The following QSOX1 variants were observed in gnomAD, a reference collection of about 807,000 sequenced individuals.
The protein encoded by QSOX1 is sulfhydryl oxidase 1.
A neutral mutation model predicts 76.1 loss-of-function variants in QSOX1; 40 were observed. The ratio of observed to expected loss-of-function variants is 0.53; its 90% CI spans 0.41 to 0.68. The LOEUF is 0.68. Ranked by LOEUF, QSOX1 falls within the 30% of genes least tolerant of loss-of-function variation. The pLI is 0.00. For synonymous variants in QSOX1, 392 were observed against 413.1 expected, an observed-to-expected ratio of 0.95 and a Z score of 0.62; for missense variants, 931 against 974.3, an observed-to-expected ratio of 0.96 and a Z score of 0.59.
intron 1 of QSOX1, 74 bp downstream of exon 1, chr1:180,155,246 C>T: frequency 7.6e-7 from 1 of 1,318,412 alleles, no homozygotes; most frequent in Non-Finnish European, 9.8e-7. Flanking sequence ...GGGCAGCCTC[C>T]TACTCCGGGA....
chr1:180,198,305 A>G lies in QSOX1; in HGVS notation c.*1268A>G, dbSNP rs3843273. Reference sequence around the variant, plus strand: ...TCAGTGCCCTGGGCTGGTGAGGGAGAAGCCTGTCTGCACCTGCCTAATTCC... The same window carrying G: ...TCAGTGCCCTGGGCTGGTGAGGGAGGAGCCTGTCTGCACCTGCCTAATTCC... On this transcript the variant is annotated 3_prime_UTR_variant, in exon 12 of 12. Transcript: ENST00000367602. 67,636 of 456,288 alleles carry G rather than the reference A, an allele frequency of 0.15. 7,873 individuals are homozygous for G. The highest frequency in any genetic ancestry group is 0.44 in the African/African-American group (22,116 of 50,050). 28.3% of individuals were successfully genotyped at this position (456,288 alleles called of 1,614,324 possible).
intron 1 of QSOX1, among the ~76,000 whole-genome samples, chr1:180,162,367 C>T (rs891689180): frequency 6.6e-6 from 1 of 152,186 alleles, no homozygotes; most frequent in Admixed American, 6.5e-5. Flanking sequence ...TCCAAAGTTA[C>T]TTCAAGTTCA....
At chr1:180,182,753 G>T (rs1382959889) in intron 6 of QSOX1, among the ~76,000 whole-genome samples, 1 of 152,202 alleles carries the variant, frequency 6.6e-6, no homozygotes, top group Non-Finnish European at 1.5e-5. Flanking sequence ...CCAAAATGCC[G>T]AGAGAAAACA....
intron 4 of QSOX1, among the ~76,000 whole-genome samples, chr1:180,177,317 G>A (rs970293829): frequency 8.8e-5 from 13 of 148,452 alleles, no homozygotes; most frequent in African/African-American, 2.5e-4. Context: ...GCAGCGGCAC[G>A]ATCTTGGCTC....
rs1663563894 is a variant in QSOX1 at position 180,198,575 on chromosome 1, G to C, written c.*1538G>C. 1.4e-5 allele frequency: 5 copies of C among 361,960 alleles called. 1 individual carries two copies. Among genetic ancestry groups the C allele is most frequent in the South Asian group, 8.1e-5 (4 of 49,512 alleles). The allele number at this position is 361,960 out of a possible 1,614,324, so 22.4% of individuals were successfully genotyped here. ...CTATGTGGAGCAGGTGGGATGCCAA[G>C]GCCACTCCTGCTATGGGGCAGCTGG... On this transcript the variant is annotated 3_prime_UTR_variant, in exon 12 of 12. Coordinates refer to ENST00000367602, the MANE Select transcript of QSOX1 (RefSeq NM_002826.5).
intron 10 of QSOX1, among the ~76,000 whole-genome samples, chr1:180,190,938 GA>G (rs887776892): frequency 3.3e-5 from 5 of 152,008 alleles, no homozygotes; most frequent in Non-Finnish European, 5.9e-5. Flanking sequence ...TCTTAACAAA[GA>G]AAAAAACGTG....
chr1:180,157,175 T>G (rs1240679809), intron 1 of QSOX1, among the ~76,000 whole-genome samples: 1 of 152,154 alleles, frequency 6.6e-6, no homozygotes. Flanking sequence ...TCAAAGTCTG[T>G]GGGGGTGAGC....
chr1:180,155,024 C>T lies in QSOX1; in HGVS notation c.117C>T (p.Ser39=). Residue 39 remains serine (S), a synonymous_variant, in exon 1 of 12, where the codon TCC becomes TCT. Transcript: ENST00000367602. The part of the protein sequence containing the change: ...AAPRSALYSP[S]DPLTLLQADT... ...CGCGGTCGGCGCTCTATTCGCCTTC[C>T]GACCCGCTGACGCTGCTGCAGGCGG... 6.6e-7 allele frequency: 1 copy of T among 1,513,888 alleles called. No homozygotes were observed. Among genetic ancestry groups the T allele is most frequent in the African/African-American group, 1.4e-5 (1 of 69,808 alleles). 93.8% of individuals were successfully genotyped at this position (1,513,888 alleles called of 1,614,324 possible). A position where few individuals can be genotyped will look rare whatever the true frequency, so the allele number is the denominator to read the frequency against.
At chr1:180,187,114 G>A (rs1390266125) in intron 8 of QSOX1, among the ~76,000 whole-genome samples, 2 of 152,126 alleles carry the variant, frequency 1.3e-5, no homozygotes, top group African/African-American at 4.8e-5. Context: ...GGTGATTTGT[G>A]CCTCTCCTTG....
At chr1:180,188,707 C>T (rs927305699) in intron 8 of QSOX1, among the ~76,000 whole-genome samples, 3 of 152,208 alleles carry the variant, frequency 2.0e-5, no homozygotes, top group Non-Finnish European at 4.4e-5. Flanking sequence ...ATTCGTGTCT[C>T]CAGTATCCTT....
intron 1 of QSOX1, among the ~76,000 whole-genome samples, chr1:180,162,140 T>G (rs922720087): frequency 1.3e-5 from 2 of 152,244 alleles, no homozygotes; most frequent in Admixed American, 6.5e-5. Flanking sequence ...AAATTAAGGC[T>G]GATAATGTAT....
Position 180,154,870 on chromosome 1 carries a change from T to C in QSOX1, c.-38T>C, listed in dbSNP as rs968532109. 3.0e-6 allele frequency: 4 copies of C among 1,353,006 alleles called. No homozygotes were observed. Among genetic ancestry groups the C allele is most frequent in the African/African-American group, 3.1e-5 (2 of 65,048 alleles). 83.8% of individuals were successfully genotyped at this position (1,353,006 alleles called of 1,614,324 possible). A position where few individuals can be genotyped will look rare whatever the true frequency, so the allele number is the denominator to read the frequency against. ...TGCCGCGGCGCCGGGACCCGACTCATCCGGTGCTTGCGTGTGGTGGTGAGC... is the reference window on the plus strand; with the variant it reads ...TGCCGCGGCGCCGGGACCCGACTCACCCGGTGCTTGCGTGTGGTGGTGAGC... On this transcript the variant is annotated 5_prime_UTR_variant, in exon 1 of 12. Coordinates refer to ENST00000367602, the MANE Select transcript of QSOX1 (RefSeq NM_002826.5).
intron 1 of QSOX1, among the ~76,000 whole-genome samples, chr1:180,155,414 C>T (rs1481829946): frequency 6.6e-6 from 1 of 152,184 alleles, no homozygotes; most frequent in African/African-American, 2.4e-5. Context: ...CGGCCTGGGC[C>T]CCCAGACCTG....
At position 180,199,059 on chromosome 1, in the gene QSOX1, A is replaced by T. The variant is rs1663574925; in HGVS notation, c.*2022A>T. 1.3e-5 allele frequency: 2 copies of T among 153,214 alleles called. No homozygotes were observed. The highest frequency in any genetic ancestry group is 1.5e-5 in the Non-Finnish European group (1 of 68,824). The allele number at this position is 153,214 out of a possible 1,614,324, so 9.5% of individuals were successfully genotyped here. On this transcript the variant is annotated 3_prime_UTR_variant, in exon 12 of 12. Transcript: ENST00000367602. Reference sequence around the variant, plus strand: ...CAGCAGCCCGGGCTGCACAGTGTGTAGCCCAGCCTCCAGGTCCACGGAGTG... The same window carrying T: ...CAGCAGCCCGGGCTGCACAGTGTGTTGCCCAGCCTCCAGGTCCACGGAGTG...
intron 8 of QSOX1, among the ~76,000 whole-genome samples, chr1:180,187,009 G>T (rs1663192120): frequency 6.6e-6 from 1 of 152,234 alleles, no homozygotes; most frequent in Admixed American, 6.5e-5. Flanking sequence ...GGGCGCTTCG[G>T]GTTTGGCCGC....
At chr1:180,177,311 C>G (rs1272799258) in intron 4 of QSOX1, among the ~76,000 whole-genome samples, 1 of 148,354 alleles carries the variant, frequency 6.7e-6, no homozygotes, top group African/African-American at 2.5e-5. Context: ...GGGAGTGCAG[C>G]GGCACGATCT....
intron 4 of QSOX1, among the ~76,000 whole-genome samples, chr1:180,177,044 GT>G (rs1480768272): frequency 6.6e-6 from 1 of 152,162 alleles, no homozygotes; most frequent in Non-Finnish European, 1.5e-5. Context: ...TCTTTATGTG[GT>G]TTGGGGTTCC....
rs1316108100 is a variant in QSOX1 at position 180,199,052 on chromosome 1, A to G, written c.*2015A>G. On this transcript the variant is annotated 3_prime_UTR_variant, in exon 12 of 12. Coordinates refer to ENST00000367602, the MANE Select transcript of QSOX1 (RefSeq NM_002826.5). ...ACTGTCGCAGCAGCCCGGGCTGCAC[A>G]GTGTGTAGCCCAGCCTCCAGGTCCA... The G allele has an allele frequency of 6.5e-6, 1 of 154,720 alleles. No homozygotes were observed. Among genetic ancestry groups the G allele is most frequent in the Admixed American group, 6.3e-5 (1 of 15,846 alleles). 9.6% of individuals were successfully genotyped at this position (154,720 alleles called of 1,614,324 possible). A position where few individuals can be genotyped will look rare whatever the true frequency, so the allele number is the denominator to read the frequency against.
intron 10 of QSOX1, among the ~76,000 whole-genome samples, chr1:180,193,087 A>G (rs371586389): frequency 6.6e-6 from 1 of 152,000 alleles, no homozygotes; most frequent in Admixed American, 6.6e-5. Context: ...CTGAAGAGAG[A>G]CCAGGAGGCA....
Sources: allele counts gnomAD v4.1 joint callset (sites outside exome capture counted in the v4.1 genomes callset), GRCh38; gene constraint gnomAD v4.1.1; transcripts MANE v1.5; gene names NCBI Gene and HGNC (gene_info 2026-07-23, HGNC 2026-07-21).